HUNK: variants seen among roughly 807,000 people sequenced by gnomAD.
HUNK encodes the protein hormonally up-regulated Neu-associated kinase, also known as hormonally up-regulated neu tumor-associated kinase.
A neutral mutation model predicts 61.0 loss-of-function variants in HUNK; 21 were observed. The observed-to-expected ratio is 0.34, with a 90% confidence interval of 0.24 to 0.50. The LOEUF (loss-of-function observed/expected upper bound fraction) is 0.50, where lower values mean the gene tolerates loss of function less well. Ranked by LOEUF, HUNK falls within the 20% of genes least tolerant of loss-of-function variation. HUNK has a pLI of 0.98. For missense variants in HUNK, 772 were observed against 945.7 expected, an observed-to-expected ratio of 0.82 and a Z score of 2.41; for synonymous variants, 371 against 386.1, an observed-to-expected ratio of 0.96 and a Z score of 0.46.
At chr21:31,916,120 A>G (rs1292740505) in intron 1 of HUNK, among the ~76,000 whole-genome samples, 5 of 125,748 alleles carry the variant, frequency 4.0e-5, no homozygotes, top group Non-Finnish European at 4.6e-5. Flanking sequence ...GCGCGATCTC[A>G]GCTCACTGCA....
chr21:31,903,625 T>C (rs2052484535), intron 1 of HUNK, among the ~76,000 whole-genome samples: 1 of 152,224 alleles, frequency 6.6e-6, no homozygotes, highest in Admixed American at 6.5e-5. Context: ...CAGAAATGTT[T>C]GTGTTTCAGT....
intron 8 of HUNK, among the ~76,000 whole-genome samples, chr21:31,985,841 G>A (rs565277431): frequency 5.3e-5 from 8 of 152,158 alleles, no homozygotes; most frequent in East Asian, 1.9e-4. Context: ...CTGCCTCTCC[G>A]TCAGTGACAC....
intron 8 of HUNK, among the ~76,000 whole-genome samples, chr21:31,989,713 CAAAAAA>C (rs758563763): frequency 1.2e-5 from 1 of 80,302 alleles, no homozygotes. Flanking sequence ...GACTCGGTCT[CAAAAAA>C]AAAAAAAAAA....
intron 1 of HUNK, among the ~76,000 whole-genome samples, chr21:31,884,810 T>C (rs1169544891): frequency 6.6e-6 from 1 of 151,656 alleles, no homozygotes; most frequent in Non-Finnish European, 1.5e-5. Context: ...GGAGTGTCAC[T>C]CTTTGTCGGC....
In HUNK at chr21:31,987,391, G is replaced by C. The variant is rs553440351; in HGVS notation, c.1258-2738G>C. On this transcript the variant is annotated intron_variant, in intron 8 of 10. Transcript: ENST00000270112. ...GACCTCAAATAACAATGCAAACTTA[G>C]GTGCATGGAGAGCCCAATGTGTGTA... is the stretch of plus-strand genomic sequence containing the variant. 7.6e-4 allele frequency among the ~76,000 whole-genome samples: 116 copies of C among 152,266 alleles called. 1 individual carries two copies. Among genetic ancestry groups the C allele is most frequent in the African/African-American group, 2.6e-3 (108 of 41,556 alleles).
At chr21:31,987,486 A>G (rs557508326) in intron 8 of HUNK, among the ~76,000 whole-genome samples, 3 of 152,178 alleles carry the variant, frequency 2.0e-5, no homozygotes, top group African/African-American at 7.2e-5. Context: ...CCCCACTGCG[A>G]GTGTGTGTCG....
chr21:31,882,592 G>A (rs925362384), intron 1 of HUNK, among the ~76,000 whole-genome samples: 2 of 152,176 alleles, frequency 1.3e-5, no homozygotes, highest in African/African-American at 4.8e-5. Flanking sequence ...AGTGTTCCAT[G>A]CATGGAGTGT....
chr21:31,905,275 A>G (rs1357095956), intron 1 of HUNK, among the ~76,000 whole-genome samples: 1 of 152,136 alleles, frequency 6.6e-6, no homozygotes, highest in South Asian at 2.1e-4. Flanking sequence ...TTTTAAAGCC[A>G]CCTACAAGCC....
intron 1 of HUNK, among the ~76,000 whole-genome samples, chr21:31,879,741 A>G (rs73900586): frequency 0.013 from 1,937 of 152,276 alleles, 58 homozygotes; most frequent in African/African-American, 0.045. Context: ...AGTGGCAGCC[A>G]TGTGCCCCCG....
intron 1 of HUNK, among the ~76,000 whole-genome samples, chr21:31,912,444 G>A (rs1049739530): frequency 6.6e-6 from 1 of 152,182 alleles, no homozygotes; most frequent in African/African-American, 2.4e-5. Context: ...GAGTTACAGG[G>A]GAAAATAGGG....
rs565206305 is a variant in HUNK at position 31,941,688 on chromosome 21, C to G, written c.610+1468C>G. On this transcript the variant is annotated intron_variant, in intron 3 of 10. Coordinates refer to ENST00000270112, the MANE Select transcript of HUNK (RefSeq NM_014586.2). ...AGTGCAGAAGCTGGAAAACAAGGCACTCGTGTTGAAATGCTTGCAGGAAGT... is the reference window on the plus strand; with the variant it reads ...AGTGCAGAAGCTGGAAAACAAGGCAGTCGTGTTGAAATGCTTGCAGGAAGT... Among the ~76,000 whole-genome samples, 14 of 152,258 alleles carry G rather than the reference C, an allele frequency of 9.2e-5. No homozygotes were observed. In the South Asian group the frequency reaches 2.9e-3, roughly 32 times the overall value.
At chr21:31,952,430 A>C (rs1247274407) in intron 4 of HUNK, among the ~76,000 whole-genome samples, 2 of 152,100 alleles carry the variant, frequency 1.3e-5, no homozygotes, top group Non-Finnish European at 2.9e-5. Flanking sequence ...TCCTGTCCAC[A>C]TGCCCCTTAA....
At chr21:31,907,708 G>A (rs914936197) in intron 1 of HUNK, among the ~76,000 whole-genome samples, 1 of 152,128 alleles carries the variant, frequency 6.6e-6, no homozygotes, top group Non-Finnish European at 1.5e-5. Flanking sequence ...GGTGAGGATG[G>A]GCCGGGCGTG....
intron 1 of HUNK, among the ~76,000 whole-genome samples, chr21:31,916,576 G>A (rs1037753212): frequency 2.0e-5 from 3 of 152,058 alleles, no homozygotes; most frequent in South Asian, 2.1e-4. Context: ...CACACACATG[G>A]CCTCTTCCTC....
chr21:31,874,526 C>T (rs1222040274), intron 1 of HUNK, among the ~76,000 whole-genome samples: 2 of 152,040 alleles, frequency 1.3e-5, no homozygotes. Flanking sequence ...TTTTTGCCTC[C>T]GCCCTCCACT....
intron 1 of HUNK, among the ~76,000 whole-genome samples, chr21:31,910,412 C>T (rs1256546139): frequency 6.6e-6 from 1 of 152,090 alleles, no homozygotes; most frequent in Non-Finnish European, 1.5e-5. Context: ...CCTCATTTAA[C>T]CTTATTTCCC....
At position 31,873,176 on chromosome 21, in the gene HUNK, G is replaced by A. The variant is rs966197985; in HGVS notation, c.-499G>A. ...AGCCCGCCGCGCGCTTCTCTCCGGC[G>A]GGAGCGGCCGCCCAGCGCACGGCTA... On this transcript the variant is annotated 5_prime_UTR_variant, in exon 1 of 11. Transcript: ENST00000270112. This position sits in a 1 kb window ranked among gnomAD's most constrained non-coding sequence, Gnocchi z 6.1. 4.6e-5 allele frequency: 7 copies of A among 152,138 alleles called. No individual in the cohort carries two copies. The highest frequency in any genetic ancestry group is 1.7e-4 in the African/African-American group (7 of 41,442). The allele number at this position is 152,138 out of a possible 1,614,324, so 9.4% of individuals were successfully genotyped here.
chr21:31,985,551 C>T (rs139549218), intron 8 of HUNK, among the ~76,000 whole-genome samples: 2 of 152,320 alleles, frequency 1.3e-5, no homozygotes, highest in African/African-American at 4.8e-5. Context: ...CCATTTCAGA[C>T]AGACCCTGGG....
At chr21:31,965,470 AT>A (rs934773105) in intron 5 of HUNK, among the ~76,000 whole-genome samples, 3 of 151,984 alleles carry the variant, frequency 2.0e-5, no homozygotes, top group African/African-American at 4.8e-5. Context: ...TTAAAAAAAA[AT>A]TTTTTTTAAA....
Sources: allele counts gnomAD v4.1 joint callset (sites outside exome capture counted in the v4.1 genomes callset), GRCh38; gene constraint gnomAD v4.1.1; non-coding constraint Gnocchi (gnomAD v3.1); transcripts MANE v1.5; gene names NCBI Gene and HGNC (gene_info 2026-07-23, HGNC 2026-07-21).